The following MALRD1 variants were observed in gnomAD, a reference collection of about 807,000 sequenced individuals.
MALRD1 encodes MAM and LDL receptor class A domain containing 1.
MALRD1 carries 247 observed loss-of-function variants against 242.1 expected under a neutral mutation model. The ratio of observed to expected loss-of-function variants is 1.02; its 90% confidence interval spans 0.92 to 1.13. The LOEUF is 1.13. Among genes scored for constraint, MALRD1 ranks in the 50% most tolerant of loss-of-function variants. The pLI is 0.00. For missense variants in MALRD1, 2,989 were observed against 2,533.1 expected (o/e 1.18, Z -3.86); for synonymous variants, 995 against 866.6 (o/e 1.15, Z -2.60).
chr10:19,134,903 T>A (rs1486403594), intron 9 of MALRD1, among the ~76,000 whole-genome samples: 1 of 152,172 alleles, frequency 6.6e-6, no homozygotes, highest in Non-Finnish European at 1.5e-5. Context: ...AAACCATCAA[T>A]TTTTGAACCT....
intron 26 of MALRD1, among the ~76,000 whole-genome samples, chr10:19,376,768 G>C (rs1030155820): frequency 6.6e-6 from 1 of 151,694 alleles, no homozygotes; most frequent in South Asian, 2.1e-4. Context: ...TATTAGAGAC[G>C]GGGTTTCAGT....
chr10:19,405,185 T>A (rs116175823), intron 28 of MALRD1, among the ~76,000 whole-genome samples: 3,036 of 152,276 alleles, frequency 0.02, 39 homozygotes, highest in Middle Eastern at 0.034. Context: ...ACATCTTATT[T>A]GTTATTTTGC....
At chr10:19,265,067 T>C (rs1246215618) in intron 19 of MALRD1, among the ~76,000 whole-genome samples, 2 of 152,182 alleles carry the variant, frequency 1.3e-5, no homozygotes, top group African/African-American at 2.4e-5. Context: ...ATATGATCCT[T>C]TGTATTTCTG....
intron 28 of MALRD1, among the ~76,000 whole-genome samples, chr10:19,414,852 TA>T (rs1349847609): frequency 6.6e-6 from 1 of 152,124 alleles, no homozygotes; most frequent in Non-Finnish European, 1.5e-5. Flanking sequence ...ACTTTCTATA[TA>T]AATATAAAAG....
At chr10:19,107,545 T>A (rs910969462) in intron 5 of MALRD1, among the ~76,000 whole-genome samples, 5 of 149,948 alleles carry the variant, frequency 3.3e-5, no homozygotes, top group Non-Finnish European at 7.4e-5. Flanking sequence ...GAGTCTCTTC[T>A]AGGCAGCATA....
At chr10:19,320,902 C>T (rs979690828) in intron 21 of MALRD1, among the ~76,000 whole-genome samples, 2 of 151,750 alleles carry the variant, frequency 1.3e-5, no homozygotes, top group African/African-American at 4.8e-5. Flanking sequence ...ATATCCTGTG[C>T]CTACTTTTTG....
chr10:19,532,814 G>C (rs1472755884), intron 32 of MALRD1, among the ~76,000 whole-genome samples: 9 of 152,214 alleles, frequency 5.9e-5, no homozygotes, highest in Non-Finnish European at 2.9e-5. Context: ...CAGTTTGAGA[G>C]CACACGAATA....
chr10:19,378,873 T>A (rs1039259665), intron 26 of MALRD1, among the ~76,000 whole-genome samples: 9 of 152,084 alleles, frequency 5.9e-5, no homozygotes, highest in African/African-American at 2.2e-4. Flanking sequence ...GAAGAGTACA[T>A]GTTGGGTTAC....
rs189269960 is a variant in MALRD1 at position 19,445,844 on chromosome 10, A to T, written c.4846-4463A>T. Among the ~76,000 whole-genome samples, 33 of 152,324 alleles carry T rather than the reference A, an allele frequency of 2.2e-4. No homozygotes were observed. In the East Asian group the frequency reaches 5.8e-3, roughly 27 times the overall value. On this transcript the variant is annotated intron_variant, in intron 28 of 39. Transcript: ENST00000454679. ...CAAAGCTGTCAGACAGGGACGTTTA[A>T]GTCTGCAAAAGTTTCTGCTGCCTTT...
rs1175776870 is a variant in MALRD1, at chr10:19,734,158, G to T, written c.6392G>T (p.Ser2131Ile). ...TTCAAATGTGTTTTTCTTCGTCAGAGTTCTGTCTATTCCTTCTCAAACCCA... is the reference window on the plus strand; with the variant it reads ...TTCAAATGTGTTTTTCTTCGTCAGATTTCTGTCTATTCCTTCTCAAACCCA... ...GNWSNPEKTE[S>I]SVYSFSNPLY... Residue 2131 changes from serine to isoleucine, a missense_variant and splice_region_variant, in exon 40 of 40, where the codon AGT (serine) becomes ATT (isoleucine). Coordinates refer to ENST00000454679, the MANE Select transcript of MALRD1 (RefSeq NM_001142308.3). 1 of 1,531,554 alleles carries T rather than the reference G, an allele frequency of 6.5e-7. No individual in the cohort carries two copies. The highest frequency in any genetic ancestry group is 8.7e-7 in the Non-Finnish European group (1 of 1,145,410). 94.9% of individuals were successfully genotyped at this position (1,531,554 alleles called of 1,614,324 possible).
intron 28 of MALRD1, among the ~76,000 whole-genome samples, chr10:19,429,909 T>C (rs534915863): frequency 6.6e-6 from 1 of 152,200 alleles, no homozygotes; most frequent in South Asian, 2.1e-4. Flanking sequence ...CTGCCCTGAC[T>C]CATCCCACAA....
At chr10:19,225,960 G>A (rs1039866899) in intron 18 of MALRD1, among the ~76,000 whole-genome samples, 4 of 152,036 alleles carry the variant, frequency 2.6e-5, no homozygotes, top group Admixed American at 6.6e-5. Context: ...CTCTGTAACC[G>A]TTGGTGTTAT....
chr10:19,693,857 G>A (rs1328140959), intron 38 of MALRD1, among the ~76,000 whole-genome samples: 1 of 152,172 alleles, frequency 6.6e-6, no homozygotes, highest in Non-Finnish European at 1.5e-5. Context: ...AAAACAGCAT[G>A]GTACTGGTAC....
intron 21 of MALRD1, among the ~76,000 whole-genome samples, chr10:19,306,119 T>TATA (rs1491584615): frequency 5.3e-4 from 59 of 111,248 alleles, no homozygotes; most frequent in African/African-American, 1.9e-3. Context: ...ATATATACTA[T>TATA]CTAGTATATA....
rs186540020 is a variant in MALRD1, at chr10:19,729,837, C to T, written c.6315-869C>T. 9.5e-3 allele frequency among the ~76,000 whole-genome samples: 1,383 copies of T among 145,592 alleles called. 24 individuals carry two copies. Among genetic ancestry groups the T allele is most frequent in the South Asian group, 0.048 (220 of 4,576 alleles). ...CTGCAAGCTCCGCCTCCCGGGTTCA[C>T]GCCATTCTCCTGCCTCAGCCTCCCA... On this transcript the variant is annotated intron_variant, in intron 38 of 39. Transcript: ENST00000454679.
At chr10:19,084,272 C>T (rs1176682801) in intron 2 of MALRD1, among the ~76,000 whole-genome samples, 1 of 151,926 alleles carries the variant, frequency 6.6e-6, no homozygotes, top group East Asian at 1.9e-4. Flanking sequence ...AGGTTTGTAT[C>T]TAAGACTACT....
intron 18 of MALRD1, among the ~76,000 whole-genome samples, chr10:19,255,662 A>G (rs1477781740): frequency 6.6e-6 from 1 of 152,116 alleles, no homozygotes; most frequent in Non-Finnish European, 1.5e-5. Flanking sequence ...AATTCTCAAG[A>G]ATGCTAACAT....
At position 19,283,008 on chromosome 10, in the gene MALRD1, C is replaced by T. The variant is rs142595588; in HGVS notation, c.3257-11C>T. 2 of 1,533,360 alleles carry T rather than the reference C, an allele frequency of 1.3e-6. No homozygotes were observed. The highest frequency in any genetic ancestry group is 1.4e-5 in the African/African-American group (1 of 72,606). 95.0% of individuals were successfully genotyped at this position (1,533,360 alleles called of 1,614,324 possible). ...ACTAGCTCACCTTTTCTTTGTTCTACCCCATCCAAGTTATGGAAGTTTGCA... is the reference window on the plus strand; with the variant it reads ...ACTAGCTCACCTTTTCTTTGTTCTATCCCATCCAAGTTATGGAAGTTTGCA... On this transcript the variant is annotated splice_polypyrimidine_tract_variant and intron_variant, in intron 20 of 39. Coordinates refer to ENST00000454679, the MANE Select transcript of MALRD1 (RefSeq NM_001142308.3).
chr10:19,414,193 C>T (rs972234642), intron 28 of MALRD1, among the ~76,000 whole-genome samples: 5 of 152,054 alleles, frequency 3.3e-5, no homozygotes, highest in East Asian at 1.9e-4. Flanking sequence ...ATAATTCCTA[C>T]ATATTTTCCA....
Sources: allele counts gnomAD v4.1 joint callset (sites outside exome capture counted in the v4.1 genomes callset), GRCh38; gene constraint gnomAD v4.1.1; transcripts MANE v1.5; gene names NCBI Gene and HGNC (gene_info 2026-07-23, HGNC 2026-07-21).